Variants in PPM1G observed in about 807,000 individuals in gnomAD.
PPM1G encodes the protein protein phosphatase, Mg2+/Mn2+ dependent 1G, also known as protein phosphatase 1G.
In PPM1G, 12 loss-of-function variants were observed where a neutral mutation model predicts 59.4. That is an observed-to-expected ratio of 0.20 (90% CI 0.13 to 0.33). The LOEUF is 0.33. PPM1G is among the 10% of genes least tolerant of loss of function. The probability of loss-of-function intolerance (pLI) is 1.00; values close to 1 mark genes in which losing one functional copy is unlikely to be tolerated. For missense variants in PPM1G, 392 were observed against 681.3 expected, an observed-to-expected ratio of 0.58 and a Z score of 4.73; for synonymous variants, 245 against 251.9, an observed-to-expected ratio of 0.97 and a Z score of 0.26.
Position 27,385,469 on chromosome 2 carries a change from A to G in PPM1G, c.409+278T>C, listed in dbSNP as rs897224102. On this transcript the variant is annotated intron_variant, in intron 4 of 9. Transcript: ENST00000344034. This position sits in a 1 kb window ranked among gnomAD's most constrained non-coding sequence, Gnocchi z 4.1. ...ATAACTGCTCCAGTCTTGAGGGGAA[A>G]AAAAAGCACATAAATACTAGCAGGA... The G allele has an allele frequency of 4.5e-6, 2 of 442,936 alleles. No homozygotes were observed. The highest frequency in any genetic ancestry group is 4.0e-5 in the African/African-American group (2 of 49,658). The allele number at this position is 442,936 out of a possible 1,614,324, so 27.4% of individuals were successfully genotyped here.
At chr2:27,390,716 G>A (rs1453276318) in intron 1 of PPM1G, among the ~76,000 whole-genome samples, 1 of 152,044 alleles carries the variant, frequency 6.6e-6, no homozygotes, top group Non-Finnish European at 1.5e-5. Context: ...AAGGTATACT[G>A]TGTGATGCTG....
intron 1 of PPM1G, among the ~76,000 whole-genome samples, chr2:27,388,568 A>C (rs1683822425): frequency 1.3e-5 from 2 of 151,976 alleles, no homozygotes; most frequent in South Asian, 4.1e-4. Context: ...TTAAAAGCAA[A>C]AAGTTAAAAA....
chr2:27,408,061 G>C (rs1572671721), intron 1 of PPM1G, among the ~76,000 whole-genome samples: 1 of 150,238 alleles, frequency 6.7e-6, no homozygotes, highest in Non-Finnish European at 1.5e-5. Flanking sequence ...AAAAAAAAAA[G>C]GGAGCCAAAG....
rs1432169698 is a variant in PPM1G at position 27,385,255 on chromosome 2, C to T, written c.410-167G>A. The T allele has an allele frequency of 1.5e-6, 1 of 680,022 alleles. No individual in the cohort carries two copies. The highest frequency in any genetic ancestry group is 2.4e-5 in the South Asian group (1 of 41,862). 42.1% of individuals were successfully genotyped at this position (680,022 alleles called of 1,614,324 possible). A position where few individuals can be genotyped will look rare whatever the true frequency, so the allele number is the denominator to read the frequency against. ...GAACATGCCCTAGCTCCTCCTCCTCCACAGACTTCTTTTGGTTTTTGTGTT... is the reference window on the plus strand; with the variant it reads ...GAACATGCCCTAGCTCCTCCTCCTCTACAGACTTCTTTTGGTTTTTGTGTT... On this transcript the variant is annotated intron_variant, in intron 4 of 9. Coordinates refer to ENST00000344034, the MANE Select transcript of PPM1G (RefSeq NM_177983.3). The surrounding 1 kb of genome is among the most constrained non-coding windows in gnomAD (Gnocchi z 4.1).
At chr2:27,409,152 G>C in intron 1 of PPM1G, 151 bp downstream of exon 1, 1 of 1,193,794 alleles carries the variant, frequency 8.4e-7, no homozygotes. Flanking sequence ...TCTCGGCCCT[G>C]ACCCCGCGGT....
intron 1 of PPM1G, among the ~76,000 whole-genome samples, chr2:27,389,397 G>A (rs896272177): frequency 1.3e-4 from 19 of 151,894 alleles, no homozygotes; most frequent in Admixed American, 1.0e-3. Context: ...GAGAACTATC[G>A]CACAATTACC....
Position 27,382,888 on chromosome 2 carries a change from C to T in PPM1G, c.1202-283G>A, listed in dbSNP as rs935482208. On this transcript the variant is annotated intron_variant, in intron 7 of 9. Coordinates refer to ENST00000344034, the MANE Select transcript of PPM1G (RefSeq NM_177983.3). The surrounding 1 kb of genome is among the most constrained non-coding windows in gnomAD (Gnocchi z 4.2). ...TAGCCCAGGCTGGAGTGTAATGGCACGATCTCGGCTCACTACAACCTCCGC... is the reference window on the plus strand; with the variant it reads ...TAGCCCAGGCTGGAGTGTAATGGCATGATCTCGGCTCACTACAACCTCCGC... Among the ~76,000 whole-genome samples, 3 of 150,682 alleles carry T rather than the reference C, an allele frequency of 2.0e-5. No homozygotes were observed. Among genetic ancestry groups the T allele is most frequent in the Admixed American group, 1.3e-4 (2 of 15,128 alleles).
At chr2:27,390,908 T>C (rs551104672) in intron 1 of PPM1G, among the ~76,000 whole-genome samples, 2 of 143,282 alleles carry the variant, frequency 1.4e-5, no homozygotes, top group East Asian at 4.7e-4. Context: ...CAGCTCCCAC[T>C]CTCACTGCGT....
intron 1 of PPM1G, 61 bp downstream of exon 1, chr2:27,409,240 GCT>G (rs1663456344): frequency 2.7e-6 from 4 of 1,507,044 alleles, no homozygotes; most frequent in Admixed American, 2.1e-5. Flanking sequence ...CCCATCCCCC[GCT>G]CTCTTTCTCC....
chr2:27,383,736 T>G lies in PPM1G; in HGVS notation c.967-136A>C. 1 of 1,154,488 alleles carries G rather than the reference T, an allele frequency of 8.7e-7. No homozygotes were observed. The highest frequency in any genetic ancestry group is 1.2e-6 in the Non-Finnish European group (1 of 824,506). 71.5% of individuals were successfully genotyped at this position (1,154,488 alleles called of 1,614,324 possible). A position where few individuals can be genotyped will look rare whatever the true frequency, so the allele number is the denominator to read the frequency against. On this transcript the variant is annotated intron_variant, in intron 6 of 9. Coordinates refer to ENST00000344034, the MANE Select transcript of PPM1G (RefSeq NM_177983.3). The surrounding 1 kb of genome is among the most constrained non-coding windows in gnomAD (Gnocchi z 5.0). ...TTAACAAACAGGAGAAGCACACATT[T>G]CATCTTTCTAGAGACAGCAGCACAC...
At chr2:27,408,324 C>T (rs7563162) in intron 1 of PPM1G, among the ~76,000 whole-genome samples, 71,597 of 151,886 alleles carry the variant, frequency 0.47, 18,597 homozygotes, top group African/African-American at 0.69. Context: ...AGAGTATTTC[C>T]CTGGCCCTTT....
chr2:27,396,526 T>C (rs939600930), intron 1 of PPM1G, among the ~76,000 whole-genome samples: 1 of 150,756 alleles, frequency 6.6e-6, no homozygotes, highest in African/African-American at 2.4e-5. Context: ...ATTAAAAAAA[T>C]TTTTAAGGCC....
intron 1 of PPM1G, among the ~76,000 whole-genome samples, chr2:27,398,275 A>G (rs1157715046): frequency 6.6e-6 from 1 of 152,134 alleles, no homozygotes; most frequent in African/African-American, 2.4e-5. Context: ...AGTGGTTTAA[A>G]CAAATAGTGC....
chr2:27,386,489 C>T (rs1321867775), intron 2 of PPM1G: 5 of 412,912 alleles, frequency 1.2e-5, no homozygotes, highest in East Asian at 7.8e-5. Context: ...ATAAATATCT[C>T]GTCTTTTCTC....
chr2:27,397,432 C>A (rs1039481771), intron 1 of PPM1G, among the ~76,000 whole-genome samples: 2 of 152,022 alleles, frequency 1.3e-5, no homozygotes, highest in African/African-American at 2.4e-5. Context: ...ACACAAAAAT[C>A]CTCAACAAAA....
intron 1 of PPM1G, among the ~76,000 whole-genome samples, chr2:27,394,737 G>C (rs1261069881): frequency 1.1e-5 from 1 of 94,446 alleles, no homozygotes; most frequent in Admixed American, 1.3e-4. Flanking sequence ...GTGAGACTCT[G>C]TCTTAAAAAA....
chr2:27,393,924 C>A (rs552942973), intron 1 of PPM1G, among the ~76,000 whole-genome samples: 1 of 152,244 alleles, frequency 6.6e-6, no homozygotes, highest in East Asian at 1.9e-4. Context: ...CCAAGACGCT[C>A]GGCTGATTTT....
In PPM1G at chr2:27,388,545, A is replaced by G. The variant is rs753869684; in HGVS notation, c.121-1387T>C. On this transcript the variant is annotated intron_variant, in intron 1 of 9. Coordinates refer to ENST00000344034, the MANE Select transcript of PPM1G (RefSeq NM_177983.3). Reference sequence around the variant, plus strand: ...ATGTTAATTTGGAAATGAGTTCACAATATCTTAAGTGGTTAAAAGCAAAAA... The same window carrying G: ...ATGTTAATTTGGAAATGAGTTCACAGTATCTTAAGTGGTTAAAAGCAAAAA... Among the ~76,000 whole-genome samples the G allele has an allele frequency of 8.1e-4, 124 of 152,298 alleles. 1 individual carries two copies. Among genetic ancestry groups the G allele is most frequent in the Middle Eastern group, 3.4e-3 (1 of 294 alleles).
rs763241804 is a variant in PPM1G at position 27,382,609 on chromosome 2, G to A, written c.1202-4C>T. On this transcript the variant is annotated splice_polypyrimidine_tract_variant and splice_region_variant and intron_variant, in intron 7 of 9. Coordinates refer to ENST00000344034, the MANE Select transcript of PPM1G (RefSeq NM_177983.3). The surrounding 1 kb of genome is among the most constrained non-coding windows in gnomAD (Gnocchi z 4.2). ...TTTCTCTTATAGAAGTGGTCCCCTG[G>A]AGTAAAGGAATGGTTGATGAGCAGT... 2 of 1,614,130 alleles carry A rather than the reference G, an allele frequency of 1.2e-6. No homozygotes were observed. Among genetic ancestry groups the A allele is most frequent in the Non-Finnish European group, 1.7e-6 (2 of 1,180,002 alleles).
Sources: gnomAD v4.1 joint callset for allele counts (sites outside exome capture counted in the v4.1 genomes callset) on GRCh38, gnomAD v4.1.1 for gene constraint, Gnocchi (gnomAD v3.1) non-coding constraint, MANE v1.5 for transcripts, NCBI Gene and HGNC (gene_info 2026-07-23, HGNC 2026-07-21) for gene names.